Variants in ERCC2 observed in about 807,000 individuals in gnomAD.
ERCC2 encodes ERCC excision repair 2, TFIIH core complex helicase subunit.
In ERCC2, 90 loss-of-function variants were observed where a neutral mutation model predicts 99.4. That is an observed-to-expected ratio of 0.91 (90% CI 0.76 to 1.08). The LOEUF (loss-of-function observed/expected upper bound fraction) is 1.08, where lower values mean the gene tolerates loss of function less well. Ranked by LOEUF, ERCC2 falls within the 50% of genes least tolerant of loss-of-function variation. The pLI is 0.00. For synonymous variants in ERCC2, 497 were observed against 432.4 expected (o/e 1.15, Z -1.85); for missense variants, 993 against 1,038.1 (o/e 0.96, Z 0.60).
chr19:45,358,638 G>A lies in ERCC2; in HGVS notation c.1238-939C>T, dbSNP rs558139654. ...CCTTTATACTTGCTGGTCCCATGTGGCCTGGAAAACCTCCCAAGGCTGCTC... is the reference window on the plus strand; with the variant it reads ...CCTTTATACTTGCTGGTCCCATGTGACCTGGAAAACCTCCCAAGGCTGCTC... On this transcript the variant is annotated intron_variant, in intron 12 of 22. Coordinates refer to ENST00000391945, the MANE Select transcript of ERCC2 (RefSeq NM_000400.4). The A allele has an allele frequency of 4.2e-4, 243 of 581,912 alleles. 1 individual carries two copies. The highest frequency in any genetic ancestry group is 6.3e-4 in the Non-Finnish European group (203 of 324,286). 36.0% of individuals were successfully genotyped at this position (581,912 alleles called of 1,614,324 possible).
chr19:45,353,147 C>T lies in ERCC2; in HGVS notation c.1767G>A (p.Glu589=). The part of the protein sequence containing the change: ...VALEKYQEAC[E]NGRGAILLSV... ...ACAGCAGGATGGCCCCGCGGCCATT[C>T]TCGCAGGCCTGAGGTGGGGAGACCG... is the stretch of plus-strand genomic sequence containing the variant. The change falls in exon 19 of 23, where the codon GAG becomes GAA. Residue 589 remains glutamate (E), a synonymous_variant. Coordinates refer to ENST00000391945, the MANE Select transcript of ERCC2 (RefSeq NM_000400.4). The T allele has an allele frequency of 6.2e-7, 1 of 1,613,890 alleles. No individual in the cohort carries two copies. The highest frequency in any genetic ancestry group is 1.1e-5 in the South Asian group (1 of 91,080).
intron 11 of ERCC2, among the ~76,000 whole-genome samples, chr19:45,362,902 T>A (rs2123281271): frequency 6.6e-6 from 1 of 152,310 alleles, no homozygotes; most frequent in South Asian, 2.1e-4. Context: ...GCTTCCCCTC[T>A]GGGAGTCCCA....
In ERCC2 at chr19:45,363,724, G is replaced by T. The variant is rs371544724; in HGVS notation, c.1118+19C>A. The T allele has an allele frequency of 1.3e-6, 2 of 1,526,170 alleles. No homozygotes were observed. Among genetic ancestry groups the T allele is most frequent in the Non-Finnish European group, 1.8e-6 (2 of 1,141,182 alleles). 94.5% of individuals were successfully genotyped at this position (1,526,170 alleles called of 1,614,324 possible). Reference sequence around the variant, plus strand: ...GGGACCTGCCGGGCCCCCACCCCGCGCGCTGTCTGGGGCCGCACCTGAGGG... The same window carrying T: ...GGGACCTGCCGGGCCCCCACCCCGCTCGCTGTCTGGGGCCGCACCTGAGGG... On this transcript the variant is annotated intron_variant, in intron 11 of 22. Coordinates refer to ENST00000391945, the MANE Select transcript of ERCC2 (RefSeq NM_000400.4).
intron 1 of ERCC2, 82 bp downstream of exon 1, chr19:45,370,454 G>T: frequency 6.6e-7 from 1 of 1,519,402 alleles, no homozygotes; most frequent in South Asian, 1.2e-5. Flanking sequence ...CCCCCTTGGG[G>T]ACCCAGGCGC....
chr19:45,354,286 G>A (rs1160270750), intron 17 of ERCC2, among the ~76,000 whole-genome samples: 1 of 152,214 alleles, frequency 6.6e-6, no homozygotes, highest in Non-Finnish European at 1.5e-5. Flanking sequence ...CTGCTTCCCT[G>A]AAGGGGCTCC....
chr19:45,350,902 A>C lies in ERCC2; in HGVS notation c.*727T>G. The stretch of plus-strand genomic sequence containing the variant: ...CCTGTGCTGGAAAGGTCCCTCGTGG[A>C]GGGGGGCCACTCCTGGATTCACTCA... On this transcript the variant is annotated 3_prime_UTR_variant, in exon 23 of 23. Coordinates refer to ENST00000391945, the MANE Select transcript of ERCC2 (RefSeq NM_000400.4). 1 of 1,581,308 alleles carries C rather than the reference A, an allele frequency of 6.3e-7. No homozygotes were observed. Among genetic ancestry groups the C allele is most frequent in the East Asian group, 2.3e-5 (1 of 44,150 alleles).
intron 19 of ERCC2, 29 bp downstream of exon 19, chr19:45,353,054 C>T (rs760278269): frequency 1.9e-6 from 3 of 1,604,858 alleles, no homozygotes; most frequent in East Asian, 2.2e-5. Context: ...TGGGAAGACA[C>T]CTGGGGAGGA....
Position 45,351,209 on chromosome 19 carries a change from C to CTG in ERCC2, c.*418_*419dup. 2 of 1,587,996 alleles carry CTG rather than the reference C, an allele frequency of 1.3e-6. No homozygotes were observed. The highest frequency in any genetic ancestry group is 4.5e-5 in the East Asian group (2 of 44,600). ...GGGGGTTGGATAGTTGGCTGCCAGG[C>CTG]TGGACCTGGAGCTGGAGGGTGGATG... is the stretch of plus-strand genomic sequence containing the variant. On this transcript the variant is annotated 3_prime_UTR_variant, in exon 23 of 23. Transcript: ENST00000391945.
intron 5 of ERCC2, among the ~76,000 whole-genome samples, chr19:45,367,710 C>T (rs984483804): frequency 4.6e-5 from 7 of 151,812 alleles, no homozygotes; most frequent in African/African-American, 1.7e-4. Context: ...GACGGGGTTT[C>T]TCCATATTGG....
chr19:45,353,209 CGACCCCTCTCCACGCTGGCCTCGCA>C lies in ERCC2; in HGVS notation c.1758+8_1758+32del. On this transcript the variant is annotated splice_region_variant and intron_variant, in intron 18 of 22. Coordinates refer to ENST00000391945, the MANE Select transcript of ERCC2 (RefSeq NM_000400.4). ...AGGTCACTCCTCAGAGCCACCTCCC[CGACCCCTCTCCACGCTGGCCTCGCA>C]CACCCACCTCCTGGTACTTCTCCAG... The C allele has an allele frequency of 3.7e-6, 6 of 1,612,092 alleles. No individual in the cohort carries two copies. Among genetic ancestry groups the C allele is most frequent in the Non-Finnish European group, 5.1e-6 (6 of 1,178,268 alleles).
chr19:45,358,660 G>A, intron 12 of ERCC2: 3 of 617,246 alleles, frequency 4.9e-6, no homozygotes. Flanking sequence ...TCCCAAGGCT[G>A]CTCCATTTGG....
In ERCC2 at chr19:45,354,860, G is replaced by A; in HGVS notation, c.1544-9C>T. The A allele has an allele frequency of 6.2e-7, 1 of 1,613,920 alleles. No individual in the cohort carries two copies. Among genetic ancestry groups the A allele is most frequent in the Non-Finnish European group, 8.5e-7 (1 of 1,179,878 alleles). On this transcript the variant is annotated splice_polypyrimidine_tract_variant and intron_variant, in intron 16 of 22. Coordinates refer to ENST00000391945, the MANE Select transcript of ERCC2 (RefSeq NM_000400.4). ...ATAGTTCCGGATCACAGCTGCAAGG[G>A]GTCAGAGGTTGGGCCCTCTCCTGGC...
At chr19:45,363,464 C>T (rs1297167325) in intron 11 of ERCC2, among the ~76,000 whole-genome samples, 5 of 152,178 alleles carry the variant, frequency 3.3e-5, no homozygotes, top group Admixed American at 1.3e-4. Context: ...CCAGCCCGCC[C>T]CTCTGTAAAT....
intron 5 of ERCC2, among the ~76,000 whole-genome samples, chr19:45,367,364 TATATACACACACAC>T (rs1467314943): frequency 3.0e-4 from 31 of 102,270 alleles, no homozygotes; most frequent in African/African-American, 7.5e-4. Flanking sequence ...AATATATATA[TATATACACACACAC>T]ACACACACAC....
Position 45,352,750 on chromosome 19 carries a change from A to G in ERCC2, c.1898T>C (p.Leu633Pro). 1 of 1,613,920 alleles carries G rather than the reference A, an allele frequency of 6.2e-7. No individual in the cohort carries two copies. The highest frequency in any genetic ancestry group is 8.5e-7 in the Non-Finnish European group (1 of 1,179,920). Residue 633 changes from leucine (L) to proline (P), a missense_variant, in exon 20 of 23, where the codon CTC (leucine) becomes CCC (proline). By Grantham distance (98) the Leu-to-Pro change is moderately conservative (BLOSUM62 -3). Around this residue, in one of 3 missense-constraint regions of ERCC2, gnomAD observed 909 missense variants for 930.8 expected, o/e 0.98. Transcript: ENST00000391945. Reference protein sequence around the residue: ...VPYVYTQSRILKARLEYLRDQ... With the variant: ...VPYVYTQSRIPKARLEYLRDQ... ...CTGGGAGACAGAGCTACTCACCTTG[A>G]GAATGCGGCTCTGTGTGTAGACGTA...
At position 45,355,814 on chromosome 19, in the gene ERCC2, CTTTTT is replaced by C. The variant is rs35665496; in HGVS notation, c.1480-91_1480-87del. 2.2e-3 allele frequency: 1,468 copies of C among 678,318 alleles called. 3 individuals are homozygous for C. Among genetic ancestry groups the C allele is most frequent in the South Asian group, 5.1e-3 (301 of 59,446 alleles). The allele number at this position is 678,318 out of a possible 1,614,324, so 42.0% of individuals were successfully genotyped here. ...GACCACCTGCTGGTGCTGTTCTAAG[CTTTTT>C]TTTTTTTTTTTTTTAAAGAGAGACA... On this transcript the variant is annotated intron_variant, in intron 15 of 22. Coordinates refer to ENST00000391945, the MANE Select transcript of ERCC2 (RefSeq NM_000400.4).
At position 45,351,512 on chromosome 19, in the gene ERCC2, GACAGTGAGAA is replaced by G; in HGVS notation, c.*107_*116del. The G allele has an allele frequency of 2.5e-6, 4 of 1,599,508 alleles. No individual in the cohort carries two copies. The highest frequency in any genetic ancestry group is 1.7e-6 in the Non-Finnish European group (2 of 1,177,744). ...TCCTGCGATTAAAGGCTGTGGACGT[GACAGTGAGAA>G]ATGTCACCTGACTTCATAAGACCTT... On this transcript the variant is annotated 3_prime_UTR_variant, in exon 23 of 23. Coordinates refer to ENST00000391945, the MANE Select transcript of ERCC2 (RefSeq NM_000400.4).
chr19:45,358,853 T>TG lies in ERCC2; in HGVS notation c.1238-1155dup, dbSNP rs777500918. ...GTTTTCCCATCTGGAATATAAGTTCTGGGGGGTTAGGGATGAGATCTTTTT... is the reference window on the plus strand; with the variant it reads ...GTTTTCCCATCTGGAATATAAGTTCTGGGGGGGTTAGGGATGAGATCTTTTT... On this transcript the variant is annotated intron_variant, in intron 12 of 22. Coordinates refer to ENST00000391945, the MANE Select transcript of ERCC2 (RefSeq NM_000400.4). 5.1e-6 allele frequency: 4 copies of TG among 780,818 alleles called. No homozygotes were observed. Among genetic ancestry groups the TG allele is most frequent in the Admixed American group, 3.4e-5 (2 of 59,010 alleles). The allele number at this position is 780,818 out of a possible 1,614,324, so 48.4% of individuals were successfully genotyped here. A position where few individuals can be genotyped will look rare whatever the true frequency, so the allele number is the denominator to read the frequency against.
intron 15 of ERCC2, among the ~76,000 whole-genome samples, chr19:45,356,811 A>G (rs1010709841): frequency 6.6e-6 from 1 of 152,192 alleles, no homozygotes; most frequent in African/African-American, 2.4e-5. Context: ...CCGTCGCACA[A>G]CAAAAACAAA....
Sources: gnomAD v4.1 joint callset for allele counts (sites outside exome capture counted in the v4.1 genomes callset) on GRCh38, gnomAD v4.1.1 for gene constraint, gnomAD v4.1.1 regional missense constraint, MANE v1.5 for transcripts, NCBI Gene and HGNC (gene_info 2026-07-23, HGNC 2026-07-21) for gene names.